Variants in PPP2R2B observed in about 807,000 individuals in gnomAD.
PPP2R2B encodes the protein protein phosphatase 2 regulatory subunit Bbeta.
In PPP2R2B, 5 loss-of-function variants were observed where a neutral mutation model predicts 46.0. The ratio of observed to expected loss-of-function variants is 0.11; its 90% CI spans 0.06 to 0.23. The LOEUF is 0.23. Among genes scored for constraint, PPP2R2B ranks in the 10% least tolerant of loss-of-function variants. The probability of loss-of-function intolerance (pLI) is 1.00; values close to 1 mark genes in which losing one functional copy is unlikely to be tolerated. For missense variants in PPP2R2B, 367 were observed against 575.0 expected (o/e 0.64, Z 3.70); for synonymous variants, 215 against 206.7 (o/e 1.04, Z -0.34).
intron 1 of PPP2R2B, among the ~76,000 whole-genome samples, chr5:146,955,017 G>C (rs78336252): frequency 0.027 from 4,050 of 152,142 alleles, 132 homozygotes; most frequent in East Asian, 0.17. Flanking sequence ...GTCCTCCCAA[G>C]TAGGTATAAT....
intron 1 of PPP2R2B, among the ~76,000 whole-genome samples, chr5:147,051,751 TC>T (rs1282728999): frequency 6.3e-5 from 9 of 143,710 alleles, no homozygotes; most frequent in Middle Eastern, 3.6e-3. Context: ...CTGTTTTGCT[TC>T]CTTTTTTTTT....
intron 2 of PPP2R2B, among the ~76,000 whole-genome samples, chr5:146,728,070 C>A (rs770656190): frequency 1.3e-5 from 2 of 150,916 alleles, no homozygotes; most frequent in South Asian, 2.1e-4. Flanking sequence ...TTTTAAATAC[C>A]ACAAAGTAAC....
chr5:146,816,886 T>C (rs1287319572), intron 2 of PPP2R2B, among the ~76,000 whole-genome samples: 1 of 152,218 alleles, frequency 6.6e-6, no homozygotes, highest in East Asian at 1.9e-4. Flanking sequence ...AAAAAGACTG[T>C]CAGGTGATTT....
chr5:146,603,441 A>G (rs1021093728), intron 7 of PPP2R2B, among the ~76,000 whole-genome samples: 41 of 152,230 alleles, frequency 2.7e-4, no homozygotes, highest in African/African-American at 9.9e-4. Context: ...CCAGTGCAGC[A>G]ACACTGTAAA....
chr5:146,857,443 C>T (rs1760740094), intron 2 of PPP2R2B, among the ~76,000 whole-genome samples: 1 of 152,052 alleles, frequency 6.6e-6, no homozygotes, highest in Non-Finnish European at 1.5e-5. Flanking sequence ...AATTTATTAT[C>T]CTTAAATATC....
intron 2 of PPP2R2B, among the ~76,000 whole-genome samples, chr5:146,791,172 G>A (rs533383860): frequency 1.3e-4 from 20 of 152,164 alleles, no homozygotes; most frequent in African/African-American, 3.9e-4. Flanking sequence ...AGAATGGTGC[G>A]GGTCTTTTTG....
At chr5:146,844,348 T>A (rs1759853986) in intron 2 of PPP2R2B, among the ~76,000 whole-genome samples, 1 of 130,224 alleles carries the variant, frequency 7.7e-6, no homozygotes, top group African/African-American at 3.4e-5. Flanking sequence ...AAACTTAGAG[T>A]ATAATAAAAA....
intron 2 of PPP2R2B, among the ~76,000 whole-genome samples, chr5:146,811,577 T>G (rs1757545094): frequency 6.9e-6 from 1 of 145,912 alleles, no homozygotes; most frequent in Admixed American, 6.8e-5. Context: ...TTTTTTTTTT[T>G]TGAGAAGGAA....
intron 6 of PPP2R2B, among the ~76,000 whole-genome samples, chr5:146,648,871 G>A (rs1189795211): frequency 1.3e-5 from 2 of 152,192 alleles, no homozygotes; most frequent in Admixed American, 6.5e-5. Context: ...AATTAGGGAA[G>A]CGTGACAAGA....
intron 2 of PPP2R2B, among the ~76,000 whole-genome samples, chr5:146,823,469 T>G (rs2151336567): frequency 6.6e-6 from 1 of 152,148 alleles, no homozygotes; most frequent in South Asian, 2.1e-4. Flanking sequence ...ATTGCTGGGA[T>G]TACAGGCGTG....
intron 5 of PPP2R2B, among the ~76,000 whole-genome samples, chr5:146,667,014 G>A (rs1777021139): frequency 6.6e-6 from 1 of 152,132 alleles, no homozygotes; most frequent in Non-Finnish European, 1.5e-5. Flanking sequence ...GAAATGGTAT[G>A]TGTGTGAATG....
chr5:146,750,439 CT>C (rs998015233), intron 2 of PPP2R2B, among the ~76,000 whole-genome samples: 5 of 152,126 alleles, frequency 3.3e-5, no homozygotes, highest in African/African-American at 4.8e-5. Flanking sequence ...TTTATAAACA[CT>C]TTTTTATTTT....
chr5:146,936,821 C>T (rs1221029608), intron 1 of PPP2R2B, among the ~76,000 whole-genome samples: 3 of 151,448 alleles, frequency 2.0e-5, no homozygotes, highest in Middle Eastern at 3.5e-3. Flanking sequence ...TAAGCCCTCC[C>T]GAGGTCCTTG....
At chr5:146,898,343 T>C (rs543081248) in intron 1 of PPP2R2B, among the ~76,000 whole-genome samples, 10 of 152,328 alleles carry the variant, frequency 6.6e-5, no homozygotes, top group African/African-American at 2.4e-4. Flanking sequence ...GTTTGAAGTT[T>C]GACAAACCTG....
chr5:146,605,358 G>A (rs148780961), intron 7 of PPP2R2B, among the ~76,000 whole-genome samples: 181 of 152,198 alleles, frequency 1.2e-3, no homozygotes, highest in Non-Finnish European at 1.7e-3. Flanking sequence ...CCAGCTGTTG[G>A]ATTCTAAAAT....
Position 146,758,334 on chromosome 5 carries a change from C to A in PPP2R2B, c.71-57192G>T, listed in dbSNP as rs115949419. 6.7e-3 allele frequency among the ~76,000 whole-genome samples: 1,016 copies of A among 152,216 alleles called. 7 individuals are homozygous for A. Among genetic ancestry groups the A allele is most frequent in the African/African-American group, 0.023 (946 of 41,536 alleles). ...CTCTACCATGAAACAGCTTTGTGAT[C>A]TGGGGCAAGAACCCTCATTCTTTGA... On this transcript the variant is annotated intron_variant, in intron 2 of 9. Coordinates refer to ENST00000394411, the MANE Select transcript of PPP2R2B (RefSeq NM_181675.4).
chr5:146,661,799 A>G (rs1056251868), intron 5 of PPP2R2B, among the ~76,000 whole-genome samples: 1 of 152,178 alleles, frequency 6.6e-6, no homozygotes, highest in Non-Finnish European at 1.5e-5. Context: ...TTTTATGCCA[A>G]TATCACTATT....
At chr5:147,041,693 C>A (rs576934555) in intron 1 of PPP2R2B, among the ~76,000 whole-genome samples, 4 of 152,070 alleles carry the variant, frequency 2.6e-5, no homozygotes, top group Non-Finnish European at 5.9e-5. Flanking sequence ...TGATTCAGAG[C>A]TTTAGGGGGG....
At chr5:146,747,304 C>T (rs1403739807) in intron 2 of PPP2R2B, among the ~76,000 whole-genome samples, 1 of 152,096 alleles carries the variant, frequency 6.6e-6, no homozygotes, top group East Asian at 1.9e-4. Flanking sequence ...GGAAAGATCC[C>T]AGTAGAGCAG....
Sources: gnomAD v4.1 joint callset for allele counts (sites outside exome capture counted in the v4.1 genomes callset) on GRCh38, gnomAD v4.1.1 for gene constraint, MANE v1.5 for transcripts, NCBI Gene and HGNC (gene_info 2026-07-23, HGNC 2026-07-21) for gene names.